VWA8: variants seen among roughly 807,000 people sequenced by gnomAD.
VWA8 encodes von Willebrand factor A domain containing 8.
VWA8 carries 221 observed loss-of-function variants against 241.5 expected under a neutral mutation model. That is an observed-to-expected ratio of 0.91 (90% CI 0.82 to 1.02). VWA8 has a LOEUF of 1.02. VWA8 is among the 50% of genes least tolerant of loss of function. The pLI is 0.00. For synonymous variants in VWA8, 852 were observed against 827.1 expected, an observed-to-expected ratio of 1.03 and a Z score of -0.52; for missense variants, 2,322 against 2,328.7, an observed-to-expected ratio of 1.00 and a Z score of 0.06.
Position 41,581,477 on chromosome 13 carries a change from C to T in VWA8, c.5272-5639G>A, listed in dbSNP as rs79058603. Among the ~76,000 whole-genome samples the T allele has an allele frequency of 3.7e-4, 57 of 152,292 alleles. 1 individual carries two copies. In the East Asian group the frequency reaches 0.011, roughly 29 times the overall value. On this transcript the variant is annotated intron_variant, in intron 42 of 44. Coordinates refer to ENST00000379310, the MANE Select transcript of VWA8 (RefSeq NM_015058.2). ...TGGAACCCTTCCTTCAAATGAAATA[C>T]TGCACAAAAGCCCAGCTTATGAAAC...
At chr13:41,607,831 T>A (rs1439967641) in intron 39 of VWA8, among the ~76,000 whole-genome samples, 8 of 152,170 alleles carry the variant, frequency 5.3e-5, no homozygotes, top group African/African-American at 1.4e-4. Flanking sequence ...ATTTTCAGCA[T>A]CCATTATATG....
At chr13:41,848,816 AG>A (rs1252832889) in intron 12 of VWA8, among the ~76,000 whole-genome samples, 1 of 152,228 alleles carries the variant, frequency 6.6e-6, no homozygotes, top group Non-Finnish European at 1.5e-5. Context: ...CCTCTCCTGC[AG>A]GGGCTCCCTG....
chr13:41,573,486 A>AATAAATAAATATATATAT (rs1555303591), intron 43 of VWA8, among the ~76,000 whole-genome samples: 2 of 113,600 alleles, frequency 1.8e-5, no homozygotes, highest in African/African-American at 6.9e-5. Flanking sequence ...AAAAAAAAAA[A>AATAAATAAATATATATAT]ATATATATAT....
chr13:41,588,514 G>C (rs541232011), intron 41 of VWA8, among the ~76,000 whole-genome samples: 1 of 152,192 alleles, frequency 6.6e-6, no homozygotes, highest in South Asian at 2.1e-4. Flanking sequence ...TGAGGCCAAG[G>C]GTTCAATACC....
Position 41,639,984 on chromosome 13 carries a change from A to T in VWA8, c.4612-24900T>A, listed in dbSNP as rs2044784968. On this transcript the variant is annotated intron_variant, in intron 37 of 44. Coordinates refer to ENST00000379310, the MANE Select transcript of VWA8 (RefSeq NM_015058.2). Reference sequence around the variant, plus strand: ...AAAGTGTTTCCAGAAACATCAGCATAGCAAATGGGTGGGCCACGCTTGGAA... The same window carrying T: ...AAAGTGTTTCCAGAAACATCAGCATTGCAAATGGGTGGGCCACGCTTGGAA... Among the ~76,000 whole-genome samples, 3 of 152,188 alleles carry T rather than the reference A, an allele frequency of 2.0e-5. No individual in the cohort carries two copies. The South Asian group carries it at 6.2e-4, about 32-fold the overall frequency.
chr13:41,713,701 G>A (rs1301921204), intron 26 of VWA8, among the ~76,000 whole-genome samples: 1 of 152,052 alleles, frequency 6.6e-6, no homozygotes, highest in Non-Finnish European at 1.5e-5. Context: ...TTAAACCTAT[G>A]CATAAAGACA....
intron 2 of VWA8, among the ~76,000 whole-genome samples, chr13:41,932,908 C>T (rs183659909): frequency 2.6e-5 from 4 of 151,838 alleles, no homozygotes; most frequent in African/African-American, 7.2e-5. Context: ...CGGAATAAGA[C>T]GTTCTCTCTC....
At chr13:41,788,845 C>T (rs1869323553) in intron 17 of VWA8, among the ~76,000 whole-genome samples, 1 of 152,186 alleles carries the variant, frequency 6.6e-6, no homozygotes, top group Non-Finnish European at 1.5e-5. Context: ...GACTTGTTGG[C>T]TATTCCCAGG....
chr13:41,873,283 A>C (rs1186722307), intron 9 of VWA8, among the ~76,000 whole-genome samples: 1 of 152,204 alleles, frequency 6.6e-6, no homozygotes, highest in African/African-American at 2.4e-5. Context: ...CTAGAAAAGC[A>C]AGAGCAAATA....
At chr13:41,749,105 C>T (rs1389030274) in intron 21 of VWA8, among the ~76,000 whole-genome samples, 1 of 152,154 alleles carries the variant, frequency 6.6e-6, no homozygotes, top group Non-Finnish European at 1.5e-5. Flanking sequence ...TTGCAATCTA[C>T]TCATCTGACA....
chr13:41,647,551 G>A (rs1297003029), intron 37 of VWA8, among the ~76,000 whole-genome samples: 3 of 152,210 alleles, frequency 2.0e-5, no homozygotes, highest in Non-Finnish European at 2.9e-5. Context: ...TGCTTACTGA[G>A]TGTCCAGTAA....
rs893084035 is a variant in VWA8, at chr13:41,881,990, G to A, written c.1080+1397C>T. Among the ~76,000 whole-genome samples, 15 of 151,194 alleles carry A rather than the reference G, an allele frequency of 9.9e-5. No individual in the cohort carries two copies. In the East Asian group the frequency reaches 2.6e-3, roughly 26 times the overall value. On this transcript the variant is annotated intron_variant, in intron 9 of 44. Coordinates refer to ENST00000379310, the MANE Select transcript of VWA8 (RefSeq NM_015058.2). ...GACAGGGTGACTGCCGGGACGGAGG[G>A]GCTCCTCACTTCTCAGATGGGGCGG... is the stretch of plus-strand genomic sequence containing the variant.
At chr13:41,829,166 G>A (rs1265121973) in intron 14 of VWA8, among the ~76,000 whole-genome samples, 1 of 152,100 alleles carries the variant, frequency 6.6e-6, no homozygotes, top group Non-Finnish European at 1.5e-5. Flanking sequence ...TTAAAAGTAA[G>A]GCTGAAAAGA....
At chr13:41,872,657 T>C (rs954884203) in intron 9 of VWA8, among the ~76,000 whole-genome samples, 5 of 152,152 alleles carry the variant, frequency 3.3e-5, no homozygotes, top group Non-Finnish European at 7.3e-5. Flanking sequence ...TTCTGTTCCA[T>C]TGATCTATAT....
chr13:41,709,080 T>C (rs893346256), intron 26 of VWA8, among the ~76,000 whole-genome samples: 1 of 152,212 alleles, frequency 6.6e-6, no homozygotes. Context: ...CTCCCAGTTG[T>C]TGAAAACTTT....
Position 41,657,630 on chromosome 13 carries a change from C to T in VWA8, c.4611+13316G>A, listed in dbSNP as rs985708467. 9.2e-5 allele frequency among the ~76,000 whole-genome samples: 14 copies of T among 152,182 alleles called. No individual in the cohort carries two copies. In the South Asian group the frequency reaches 2.5e-3, roughly 27 times the overall value. On this transcript the variant is annotated intron_variant, in intron 37 of 44. Coordinates refer to ENST00000379310, the MANE Select transcript of VWA8 (RefSeq NM_015058.2). ...TCAGCCTCCCGAGTAGCTGGGACTA[C>T]AGGCGCCCGCCACCGCGCCCGGCTA...
intron 7 of VWA8, 136 bp from the exon 8 acceptor site, chr13:41,886,164 G>A (rs915913567): frequency 4.0e-5 from 25 of 622,976 alleles, no homozygotes; most frequent in Admixed American, 2.5e-4. Flanking sequence ...CAATGGTTCC[G>A]CATCATAATA....
intron 2 of VWA8, among the ~76,000 whole-genome samples, chr13:41,931,343 G>A (rs1383708708): frequency 1.3e-5 from 2 of 149,508 alleles, no homozygotes; most frequent in African/African-American, 4.9e-5. Flanking sequence ...ATCTGGTTGG[G>A]GCGGTGGGGT....
chr13:41,694,388 T>G (rs1289570139), intron 29 of VWA8, among the ~76,000 whole-genome samples: 2 of 152,004 alleles, frequency 1.3e-5, no homozygotes, highest in Non-Finnish European at 2.9e-5. Context: ...TTAAATTTCT[T>G]TCATAAACAT....
Sources: gnomAD v4.1 joint callset for allele counts (sites outside exome capture counted in the v4.1 genomes callset) on GRCh38, gnomAD v4.1.1 for gene constraint, MANE v1.5 for transcripts, NCBI Gene and HGNC (gene_info 2026-07-23, HGNC 2026-07-21) for gene names.